Variants in C19orf12 observed in about 807,000 individuals in gnomAD.
The protein encoded by C19orf12 is protein C19orf12.
Under a neutral mutation model 3.8 loss-of-function variants are expected in C19orf12, and 2 were observed. That is an observed-to-expected ratio of 0.53 (90% CI 0.22 to 1.66). C19orf12 has a LOEUF of 1.66. Ranked by LOEUF, C19orf12 falls within the 40% of genes most tolerant of loss-of-function variation. The pLI, the probability that C19orf12 is intolerant of heterozygous loss-of-function variation, is 0.20. For synonymous variants in C19orf12, 89 were observed against 84.6 expected (o/e 1.05, Z -0.28); for missense variants, 156 against 188.8 (o/e 0.83, Z 1.02).
chr19:29,707,039 C>T (rs1281628230), intron 2 of C19orf12, among the ~76,000 whole-genome samples: 1 of 152,226 alleles, frequency 6.6e-6, no homozygotes, highest in African/African-American at 2.4e-5. Flanking sequence ...CATTCATTGC[C>T]TGAAATTGAT....
intron 2 of C19orf12, among the ~76,000 whole-genome samples, chr19:29,704,236 G>A (rs950230539): frequency 3.3e-5 from 5 of 152,254 alleles, no homozygotes; most frequent in African/African-American, 1.2e-4. Flanking sequence ...TTGAGAGGCC[G>A]AGGTGGGCGA....
At chr19:29,714,907 TTGTG>T (rs1972880868) in intron 1 of C19orf12, 1 of 619,414 alleles carries the variant, frequency 1.6e-6, no homozygotes, top group African/African-American at 1.9e-5. Context: ...TGCTGCTTAC[TTGTG>T]TGACTTCAGC....
rs375417512 is a variant in C19orf12, at chr19:29,700,469, G to T, written c.*2243C>A. 4.4e-6 allele frequency: 2 copies of T among 454,080 alleles called. No individual in the cohort carries two copies. The highest frequency in any genetic ancestry group is 8.8e-6 in the Non-Finnish European group (2 of 226,780). The allele number at this position is 454,080 out of a possible 1,614,324, so 28.1% of individuals were successfully genotyped here. ...TAAAGCTATACAAAATTGGGAGGGG[G>T]CATGCTCTGATTTTCCATTTTTAGT... On this transcript the variant is annotated 3_prime_UTR_variant, in exon 3 of 3. Coordinates refer to ENST00000323670, the MANE Select transcript of C19orf12 (RefSeq NM_031448.6).
chr19:29,711,021 G>A (rs1461835917), intron 1 of C19orf12, among the ~76,000 whole-genome samples: 1 of 144,916 alleles, frequency 6.9e-6, no homozygotes, highest in Non-Finnish European at 1.5e-5. Flanking sequence ...TAGCTAGATA[G>A]AGATATACAG....
In C19orf12 at chr19:29,708,309, T is replaced by G. The variant is rs757388632; in HGVS notation, c.105A>C (p.Thr35=). 3.7e-6 allele frequency: 6 copies of G among 1,613,894 alleles called. No individual in the cohort carries two copies. The highest frequency in any genetic ancestry group is 5.1e-6 in the Non-Finnish European group (6 of 1,179,992). Residue 35 remains threonine, a synonymous_variant, in exon 2 of 3, where the codon ACA becomes ACC. Coordinates refer to ENST00000323670, the MANE Select transcript of C19orf12 (RefSeq NM_031448.6). ...VKHSGKGALV[T]GAMAFVGGLV... The stretch of plus-strand genomic sequence containing the variant: ...AACCCCCGACGAAGGCCATGGCCCC[T>G]GTGACCAGGGCACCCTTCCCAGAGT...
At chr19:29,709,322 G>A (rs1568333564) in intron 1 of C19orf12, among the ~76,000 whole-genome samples, 2 of 152,228 alleles carry the variant, frequency 1.3e-5, no homozygotes, top group African/African-American at 2.4e-5. Flanking sequence ...AGGGCAGGGA[G>A]AGACGGGCTC....
chr19:29,712,879 G>C (rs1183238439), intron 1 of C19orf12, among the ~76,000 whole-genome samples: 1 of 152,192 alleles, frequency 6.6e-6, no homozygotes, highest in African/African-American at 2.4e-5. Context: ...ACAAGCCCAG[G>C]GTTCTGCAGA....
chr19:29,711,036 GT>G (rs781530564), intron 1 of C19orf12, among the ~76,000 whole-genome samples: 1,110 of 98,214 alleles, frequency 0.011, 3 homozygotes, highest in African/African-American at 0.035. Flanking sequence ...ATACAGAGAG[GT>G]TTTTTTTTTT....
chr19:29,715,505 A>G (rs1453746406), upstream of C19orf12: 4 of 328,172 alleles, frequency 1.2e-5, no homozygotes, highest in East Asian at 3.0e-4. Context: ...GCGCTCCCGC[A>G]GGCCCAGCCC....
Position 29,715,230 on chromosome 19 carries a change from G to A in C19orf12, c.-116C>T, listed in dbSNP as rs917930187. On this transcript the variant is annotated 5_prime_UTR_variant, in exon 1 of 3. Transcript: ENST00000323670. ...GCCCAGCTCCCCAGCCCCGCGGAGG[G>A]TCGCGCAGGCCTTGGTGGCGGCCCC... 4.2e-5 allele frequency: 18 copies of A among 433,166 alleles called. No homozygotes were observed. In the Admixed American group the frequency reaches 5.5e-4, roughly 13 times the overall value. The allele number at this position is 433,166 out of a possible 1,614,324, so 26.8% of individuals were successfully genotyped here.
intron 1 of C19orf12, chr19:29,708,690 T>C: frequency 2.0e-6 from 1 of 508,006 alleles, no homozygotes; most frequent in Non-Finnish European, 3.6e-6. Context: ...TTACGACAGA[T>C]TAAGGAGCAA....
In C19orf12 at chr19:29,700,011, C is replaced by G. The variant is rs1599526376; in HGVS notation, c.*2701G>C. 1 of 454,084 alleles carries G rather than the reference C, an allele frequency of 2.2e-6. No homozygotes were observed. The highest frequency in any genetic ancestry group is 4.4e-6 in the Non-Finnish European group (1 of 226,800). 28.1% of individuals were successfully genotyped at this position (454,084 alleles called of 1,614,324 possible). On this transcript the variant is annotated 3_prime_UTR_variant, in exon 3 of 3. Transcript: ENST00000323670. ...GCCTCCAAGTCACCCCAGGACCCAG[C>G]TAGTTCCAGTGTCTTCACTCAGCAA...
At chr19:29,705,498 T>A (rs1258459478) in intron 2 of C19orf12, 1 of 251,866 alleles carries the variant, frequency 4.0e-6, no homozygotes, top group East Asian at 9.7e-5. Context: ...TTCGTTGGTG[T>A]TGGTTTCTTA....
intron 1 of C19orf12, among the ~76,000 whole-genome samples, chr19:29,711,036 G>GTTTTTTTTTTTTTTTTTT (rs781530564): frequency 1.0e-5 from 1 of 98,274 alleles, no homozygotes. Flanking sequence ...ATACAGAGAG[G>GTTTTTTTTTTTTTTTTTT]TTTTTTTTTT....
Position 29,699,334 on chromosome 19 carries a change from T to G in C19orf12, c.*3378A>C, listed in dbSNP as rs1201632970. 8.2e-6 allele frequency: 3 copies of G among 365,050 alleles called. No homozygotes were observed. The Admixed American group carries it at 1.2e-4, about 14-fold the overall frequency. The allele number at this position is 365,050 out of a possible 1,614,324, so 22.6% of individuals were successfully genotyped here. A position where few individuals can be genotyped will look rare whatever the true frequency, so the allele number is the denominator to read the frequency against. On this transcript the variant is annotated 3_prime_UTR_variant, in exon 3 of 3. Coordinates refer to ENST00000323670, the MANE Select transcript of C19orf12 (RefSeq NM_031448.6). ...TAAAAAAAAAATAAAAAAATAAAAA[T>G]TAGCCGGGCATGGTGGCGGGCGACT... is the stretch of plus-strand genomic sequence containing the variant.
chr19:29,702,183 C>G lies in C19orf12; in HGVS notation c.*529G>C. 1 of 454,120 alleles carries G rather than the reference C, an allele frequency of 2.2e-6. No individual in the cohort carries two copies. Among genetic ancestry groups the G allele is most frequent in the Non-Finnish European group, 4.4e-6 (1 of 226,790 alleles). 28.1% of individuals were successfully genotyped at this position (454,120 alleles called of 1,614,324 possible). Reference sequence around the variant, plus strand: ...CGCCCGTCCCCTCCGTGGGGCCATTCGACAGTCCCTGGGTAGGGGACGGTT... The same window carrying G: ...CGCCCGTCCCCTCCGTGGGGCCATTGGACAGTCCCTGGGTAGGGGACGGTT... On this transcript the variant is annotated 3_prime_UTR_variant, in exon 3 of 3. Transcript: ENST00000323670.
intron 1 of C19orf12, chr19:29,714,894 C>G (rs1246071249): frequency 1.4e-6 from 1 of 712,222 alleles, no homozygotes; most frequent in Non-Finnish European, 2.6e-6. Flanking sequence ...CTAGTCCCAG[C>G]TCTGCTGCTT....
chr19:29,699,941 G>T lies in C19orf12; in HGVS notation c.*2771C>A, dbSNP rs1971988340. 1 of 453,928 alleles carries T rather than the reference G, an allele frequency of 2.2e-6. No individual in the cohort carries two copies. Among genetic ancestry groups the T allele is most frequent in the Non-Finnish European group, 4.4e-6 (1 of 226,778 alleles). 28.1% of individuals were successfully genotyped at this position (453,928 alleles called of 1,614,324 possible). ...ATCAAGAAAAGTGCTTTCGGCTCCT[G>T]GGGGAGATAAGACTCCAGGTTCAGG... On this transcript the variant is annotated 3_prime_UTR_variant, in exon 3 of 3. Transcript: ENST00000323670.
In C19orf12 at chr19:29,700,139, T is replaced by A; in HGVS notation, c.*2573A>T. On this transcript the variant is annotated 3_prime_UTR_variant, in exon 3 of 3. Transcript: ENST00000323670. ...GGGCAGGCTGTGGGAGGGGCTGCAG[T>A]GGACACTGGGCCTCTGAGCTGGGAC... 3 of 454,082 alleles carry A rather than the reference T, an allele frequency of 6.6e-6. No individual in the cohort carries two copies. The highest frequency in any genetic ancestry group is 6.9e-4 in the Middle Eastern group (1 of 1,444). 28.1% of individuals were successfully genotyped at this position (454,082 alleles called of 1,614,324 possible). A position where few individuals can be genotyped will look rare whatever the true frequency, so the allele number is the denominator to read the frequency against.
Sources: allele counts gnomAD v4.1 joint callset (sites outside exome capture counted in the v4.1 genomes callset), GRCh38; gene constraint gnomAD v4.1.1; transcripts MANE v1.5; gene names NCBI Gene and HGNC (gene_info 2026-07-23, HGNC 2026-07-21).